The following CACNA1C variants were observed in gnomAD, a reference collection of about 807,000 sequenced individuals.
CACNA1C encodes calcium voltage-gated channel subunit alpha1 C.
A neutral mutation model predicts 229.0 loss-of-function variants in CACNA1C; 30 were observed. That is an observed-to-expected ratio of 0.13 (90% confidence interval 0.10 to 0.18). CACNA1C has a LOEUF of 0.18. Among genes scored for constraint, CACNA1C ranks in the 10% least tolerant of loss-of-function variants. The pLI, the probability that CACNA1C is intolerant of heterozygous loss-of-function variation, is 1.00. For synonymous variants in CACNA1C, 1,114 were observed against 1,132.5 expected, an observed-to-expected ratio of 0.98 and a Z score of 0.33; for missense variants, 1,658 against 2,845.0, an observed-to-expected ratio of 0.58 and a Z score of 9.49.
chr12:2,292,078 T>C (rs940709979), intron 3 of CACNA1C, among the ~76,000 whole-genome samples: 2 of 152,054 alleles, frequency 1.3e-5, no homozygotes, highest in African/African-American at 2.4e-5. Context: ...GGACTGGAAA[T>C]AGCGTGGAGT....
chr12:2,049,367 G>T (rs1330994539), upstream of CACNA1C: 1 of 152,184 alleles, frequency 6.6e-6, no homozygotes, highest in Non-Finnish European at 1.5e-5. Flanking sequence ...GAGGCACTTA[G>T]AATAATCTCT....
In CACNA1C at chr12:2,585,914, C is replaced by T. The variant is rs1601164807; in HGVS notation, c.2530+10C>T. 6.4e-7 allele frequency: 1 copy of T among 1,557,328 alleles called. No individual in the cohort carries two copies. The highest frequency in any genetic ancestry group is 1.2e-5 in the South Asian group (1 of 83,508). ...AACCCAGAAACTACAGGTACCAGTC[C>T]CACTGCCTAACCTGGGATTGGGAGA... On this transcript the variant is annotated intron_variant, in intron 18 of 46. Coordinates refer to ENST00000399655, the MANE Select transcript of CACNA1C (RefSeq NM_000719.7). The surrounding 1 kb of genome is among the most constrained non-coding windows in gnomAD (Gnocchi z 4.1).
At chr12:2,343,880 C>A (rs994673878) in intron 3 of CACNA1C, among the ~76,000 whole-genome samples, 2 of 152,190 alleles carry the variant, frequency 1.3e-5, no homozygotes, top group Admixed American at 6.5e-5. Flanking sequence ...AAATAAGGGT[C>A]TGTTTACTTT....
intron 3 of CACNA1C, among the ~76,000 whole-genome samples, chr12:2,244,066 A>C (rs1354662951): frequency 1.3e-5 from 2 of 152,210 alleles, no homozygotes; most frequent in African/African-American, 4.8e-5. Context: ...ACCAGAGAGA[A>C]GCATCTCTGG....
chr12:2,669,881 C>A (rs987965734), intron 38 of CACNA1C, among the ~76,000 whole-genome samples: 1 of 152,204 alleles, frequency 6.6e-6, no homozygotes, highest in Non-Finnish European at 1.5e-5. Context: ...GGGCTAGCAG[C>A]AGCCTGAGTG....
At chr12:2,680,505 G>A (rs1050145082) in intron 42 of CACNA1C, 17 of 1,570,802 alleles carry the variant, frequency 1.1e-5, no homozygotes, top group East Asian at 2.4e-5. Flanking sequence ...GCCTGGCCAC[G>A]CTTCACTGTG....
intron 3 of CACNA1C, among the ~76,000 whole-genome samples, chr12:2,254,691 T>C (rs2154393298): frequency 6.6e-6 from 1 of 152,260 alleles, no homozygotes; most frequent in South Asian, 2.1e-4. Context: ...AACTACTCCA[T>C]TGTGAGATTT....
At chr12:2,431,844 G>C (rs1042905254) in intron 3 of CACNA1C, among the ~76,000 whole-genome samples, 1 of 152,162 alleles carries the variant, frequency 6.6e-6, no homozygotes, top group Non-Finnish European at 1.5e-5. Flanking sequence ...CTTCAATGTA[G>C]GGACCTCCTG....
In CACNA1C at chr12:2,182,873, C is replaced by T. The variant is rs113363945; in HGVS notation, c.477+62443C>T. Among the ~76,000 whole-genome samples, 55 of 152,260 alleles carry T rather than the reference C, an allele frequency of 3.6e-4. 1 individual carries two copies. The highest frequency in any genetic ancestry group is 1.3e-3 in the African/African-American group (54 of 41,538). ...TCTTGCAGGCAGGGTTTAGATGGTG[C>T]TGTCCTCGGAAGAGAGGACTTTGGA... On this transcript the variant is annotated intron_variant, in intron 3 of 46. Transcript: ENST00000399655.
chr12:2,668,672 G>A (rs2096374469), intron 37 of CACNA1C: 1 of 426,722 alleles, frequency 2.3e-6, no homozygotes, highest in African/African-American at 2.0e-5. Context: ...GAGAGAAGGG[G>A]GAGGGACCAC....
intron 1 of CACNA1C, among the ~76,000 whole-genome samples, chr12:2,017,926 A>G (rs944371969): frequency 2.0e-5 from 3 of 152,240 alleles, no homozygotes; most frequent in Non-Finnish European, 4.4e-5. Flanking sequence ...CTTGCCTTCT[A>G]CACGGACTCA....
At chr12:2,663,902 C>T (rs946784546) in intron 34 of CACNA1C, among the ~76,000 whole-genome samples, 28 of 152,136 alleles carry the variant, frequency 1.8e-4, no homozygotes, top group African/African-American at 5.8e-4. Flanking sequence ...CCACCGCGCC[C>T]GGCTAATTTT....
Position 2,585,662 on chromosome 12 carries a change from A to C in CACNA1C, c.2460+166A>C, listed in dbSNP as rs530303937. On this transcript the variant is annotated intron_variant, in intron 17 of 46. Transcript: ENST00000399655. This position sits in a 1 kb window ranked among gnomAD's most constrained non-coding sequence, Gnocchi z 4.1. ...AGAGCTGGGAGGGGGAAGATAAGGC[A>C]GATTGGCTGGATCCCAGCCATCTGC... Among the ~76,000 whole-genome samples, 5 of 152,336 alleles carry C rather than the reference A, an allele frequency of 3.3e-5. No individual in the cohort carries two copies. In the South Asian group the frequency reaches 1.0e-3, roughly 32 times the overall value.
rs747106058 is a variant in CACNA1C at position 2,677,134 on chromosome 12, G to C, written c.4869G>C (p.Leu1623=). 1.2e-6 allele frequency: 2 copies of C among 1,613,694 alleles called. No individual in the cohort carries two copies. The highest frequency in any genetic ancestry group is 1.7e-6 in the Non-Finnish European group (2 of 1,179,828). ...VTVGKFYATF[L]IQEYFRKFKK... ...TTGGCAAGTTCTACGCCACGTTCCT[G>C]ATCCAGGAGTACTTCCGGAAGTTCA... The change falls in exon 40 of 47, where the codon CTG becomes CTC. Residue 1623 remains leucine (L), a synonymous_variant. Transcript: ENST00000399655. The surrounding 1 kb of genome is among the most constrained non-coding windows in gnomAD (Gnocchi z 7.4).
At chr12:2,568,796 G>T (rs2052725497) in intron 13 of CACNA1C, among the ~76,000 whole-genome samples, 2 of 152,058 alleles carry the variant, frequency 1.3e-5, no homozygotes, top group African/African-American at 4.8e-5. Context: ...GTGTTTAATG[G>T]GTTCTGGAGA....
chr12:2,532,942 T>C (rs2099844575), intron 9 of CACNA1C, among the ~76,000 whole-genome samples: 1 of 152,236 alleles, frequency 6.6e-6, no homozygotes, highest in African/African-American at 2.4e-5. Context: ...CAGTGGTCCC[T>C]GTTCTCTGGA....
At chr12:2,160,230 A>T (rs776340146) in intron 3 of CACNA1C, among the ~76,000 whole-genome samples, 15 of 152,118 alleles carry the variant, frequency 9.9e-5, no homozygotes, top group Non-Finnish European at 1.6e-4. Flanking sequence ...TTCTTCTGAG[A>T]TGGGAGAAGC....
At chr12:2,415,486 A>G (rs1200349566) in intron 3 of CACNA1C, among the ~76,000 whole-genome samples, 1 of 152,202 alleles carries the variant, frequency 6.6e-6, no homozygotes, top group African/African-American at 2.4e-5. Context: ...AAGTGGAAAT[A>G]CTTTATGTAT....
At position 2,356,907 on chromosome 12, in the gene CACNA1C, C is replaced by T. The variant is rs192115993; in HGVS notation, c.478-92069C>T. Among the ~76,000 whole-genome samples the T allele has an allele frequency of 3.9e-5, 6 of 152,326 alleles. No homozygotes were observed. The East Asian group carries it at 7.7e-4, about 20-fold the overall frequency. On this transcript the variant is annotated intron_variant, in intron 3 of 46. Coordinates refer to ENST00000399655, the MANE Select transcript of CACNA1C (RefSeq NM_000719.7). ...TGCCCAGGGTCACACAGCTAGTATG[C>T]AATAATGACCGGTTTCAAACTCAGA...
Sources: allele counts gnomAD v4.1 joint callset (sites outside exome capture counted in the v4.1 genomes callset), GRCh38; gene constraint gnomAD v4.1.1; non-coding constraint Gnocchi (gnomAD v3.1); transcripts MANE v1.5; gene names NCBI Gene and HGNC (gene_info 2026-07-23, HGNC 2026-07-21).